Variants in NOM1 observed in about 807,000 individuals in gnomAD.
NOM1 encodes nucleolar protein with MIF4G domain 1, also known as nucleolar MIF4G domain-containing protein 1.
Under a neutral mutation model 73.3 loss-of-function variants are expected in NOM1, and 58 were observed. The ratio of observed to expected loss-of-function variants is 0.79; its 90% confidence interval spans 0.64 to 0.99. The LOEUF is 0.99. Ranked by LOEUF, NOM1 falls within the 50% of genes least tolerant of loss-of-function variation. NOM1 has a pLI of 0.00. For missense variants in NOM1, 1,226 were observed against 1,131.9 expected, an observed-to-expected ratio of 1.08 and a Z score of -1.19; for synonymous variants, 487 against 446.8, an observed-to-expected ratio of 1.09 and a Z score of -1.14.
chr7:156,966,969 C>A lies in NOM1; in HGVS notation c.2175C>A (p.Phe725Leu). ...TTTAACTATGATACTAGATGACTTT[C>A]CAGTTCAGCATATGGGACAAATTTC... ...CEYERRFQMT[F>L]QFSIWDKFRD... The change falls in exon 9 of 11, where the codon TTC becomes TTA. Residue 725 changes from phenylalanine (F) to leucine (L), a missense_variant. Phe to Leu is a conservative substitution (Grantham distance 22). Transcript: ENST00000275820. The A allele has an allele frequency of 6.2e-7, 1 of 1,611,270 alleles. No homozygotes were observed.
At chr7:156,963,212 C>A (rs1303461138) in intron 6 of NOM1, 37 bp downstream of exon 6, 2 of 1,611,024 alleles carry the variant, frequency 1.2e-6, no homozygotes, top group Admixed American at 1.7e-5. Flanking sequence ...CAGGCAGAGG[C>A]ACCCCCCTGT....
At position 156,963,929 on chromosome 7, in the gene NOM1, G is replaced by A. The variant is rs149887319; in HGVS notation, c.1936G>A (p.Ala646Thr). The A allele has an allele frequency of 1.9e-6, 3 of 1,614,008 alleles. No homozygotes were observed. The highest frequency in any genetic ancestry group is 1.1e-5 in the South Asian group (1 of 91,068). Residue 646 changes from alanine (A) to threonine (T), a missense_variant, in exon 7 of 11, where the codon GCC (alanine) becomes ACC (threonine). Coordinates refer to ENST00000275820, the MANE Select transcript of NOM1 (RefSeq NM_138400.2). ...GTVSSKILEL[A>T]RKQRMNTDIR... ...GGTCAGTTCAAAGATCCTAGAACTC[G>A]CCCGGAAGCAGAGGATGAACACAGA...
intron 4 of NOM1, 148 bp downstream of exon 4, chr7:156,960,322 A>T: frequency 1.6e-6 from 1 of 642,898 alleles, no homozygotes; most frequent in South Asian, 2.0e-5. Flanking sequence ...TGGCTTTAAT[A>T]TGTGAATGGA....
At chr7:156,953,959 C>A in intron 2 of NOM1, 144 bp from the exon 3 acceptor site, 1 of 632,692 alleles carries the variant, frequency 1.6e-6, no homozygotes, top group Non-Finnish European at 2.7e-6. Context: ...GTTATTGGGG[C>A]AAGATAAGAA....
chr7:156,972,866 T>TA lies in NOM1; in HGVS notation c.*3164dup, dbSNP rs1586580666. Reference sequence around the variant, plus strand: ...AACCCAACATATATGGGCTGTTAGATAGTAATTGTAATTTCGTATAAATAG... The same window carrying TA: ...AACCCAACATATATGGGCTGTTAGATAAGTAATTGTAATTTCGTATAAATAG... On this transcript the variant is annotated 3_prime_UTR_variant, in exon 11 of 11. Coordinates refer to ENST00000275820, the MANE Select transcript of NOM1 (RefSeq NM_138400.2). The TA allele has an allele frequency of 6.6e-6, 1 of 152,212 alleles. No homozygotes were observed. The highest frequency in any genetic ancestry group is 1.5e-5 in the Non-Finnish European group (1 of 68,036). The allele number at this position is 152,212 out of a possible 1,614,324, so 9.4% of individuals were successfully genotyped here.
chr7:156,954,522 C>CTTTTGTTTTTTTTTT (rs1804672533), intron 3 of NOM1, among the ~76,000 whole-genome samples: 1 of 101,660 alleles, frequency 9.8e-6, no homozygotes, highest in Admixed American at 1.1e-4. Context: ...TCTGTCCATT[C>CTTTTGTTTTTTTTTT]TTTTTTTTTT....
intron 8 of NOM1, 50 bp from the exon 9 acceptor site, chr7:156,966,911 T>C (rs772475717): frequency 1.2e-5 from 17 of 1,467,654 alleles, no homozygotes; most frequent in Middle Eastern, 1.8e-4. Flanking sequence ...TGATATATTA[T>C]AGTAATTTGT....
At chr7:156,964,209 T>A in intron 7 of NOM1, 183 bp downstream of exon 7, 1 of 466,678 alleles carries the variant, frequency 2.1e-6, no homozygotes, top group Non-Finnish European at 3.7e-6. Flanking sequence ...ATGTTCCTAT[T>A]AATTTGCCTC....
Position 156,969,663 on chromosome 7 carries a change from C to T in NOM1, c.2543C>T (p.Ala848Val). The change falls in exon 11 of 11, where the codon GCA becomes GTA. Residue 848 changes from alanine to valine, a missense_variant. Coordinates refer to ENST00000275820, the MANE Select transcript of NOM1 (RefSeq NM_138400.2). ...ANVLREKADL[A>V]TKCLQGKASL... The stretch of plus-strand genomic sequence containing the variant: ...GTGCTGAGAGAGAAAGCTGACCTTG[C>T]AACGAAGTGTCTGCAAGGAAAAGCT... 1.2e-6 allele frequency: 2 copies of T among 1,612,800 alleles called. No individual in the cohort carries two copies. Among genetic ancestry groups the T allele is most frequent in the South Asian group, 1.1e-5 (1 of 90,960 alleles).
At position 156,973,026 on chromosome 7, in the gene NOM1, G is replaced by A. The variant is rs1036548309; in HGVS notation, c.*3323G>A. The A allele has an allele frequency of 6.6e-6, 1 of 152,210 alleles. No individual in the cohort carries two copies. Among genetic ancestry groups the A allele is most frequent in the Non-Finnish European group, 1.5e-5 (1 of 68,030 alleles). The allele number at this position is 152,210 out of a possible 1,614,324, so 9.4% of individuals were successfully genotyped here. On this transcript the variant is annotated 3_prime_UTR_variant, in exon 11 of 11. Coordinates refer to ENST00000275820, the MANE Select transcript of NOM1 (RefSeq NM_138400.2). ...CAGGATGCTTAGTGCTCAGTGTTAT[G>A]TATGAACTTGTGGACTTTACAATGC...
rs752584937 is a variant in NOM1, at chr7:156,966,316, A to T, written c.2080A>T (p.Met694Leu). Residue 694 changes from methionine (M) to leucine (L), a missense_variant, in exon 8 of 11, where the codon ATG (methionine) becomes TTG (leucine). Coordinates refer to ENST00000275820, the MANE Select transcript of NOM1 (RefSeq NM_138400.2). ...GGAGAGAGAAATCATTCACGTTCTC[A>T]TGGATTGCTGCCTTCAAGAGAAAAC... ...QQEREIIHVL[M>L]DCCLQEKTYN... is the part of the protein sequence containing the mutation. The T allele has an allele frequency of 6.2e-7, 1 of 1,614,224 alleles. No homozygotes were observed. Among genetic ancestry groups the T allele is most frequent in the Non-Finnish European group, 8.5e-7 (1 of 1,180,034 alleles).
chr7:156,958,617 G>A (rs1804785392), intron 3 of NOM1: 1 of 152,142 alleles, frequency 6.6e-6, no homozygotes, highest in Non-Finnish European at 1.5e-5. Context: ...GAAAAAACAG[G>A]GTTCCAGGAA....
chr7:156,966,960 G>C lies in NOM1; in HGVS notation c.2167-1G>C, dbSNP rs908150657. The stretch of plus-strand genomic sequence containing the variant: ...TTTTCTCCTTTTAACTATGATACTA[G>C]ATGACTTTCCAGTTCAGCATATGGG... On this transcript the variant is annotated splice_acceptor_variant, in intron 8 of 10. Transcript: ENST00000275820. LOFTEE classifies it high-confidence loss of function. 3 of 1,610,910 alleles carry C rather than the reference G, an allele frequency of 1.9e-6. No individual in the cohort carries two copies. The highest frequency in any genetic ancestry group is 2.5e-6 in the Non-Finnish European group (3 of 1,179,046).
In NOM1 at chr7:156,969,588, A is replaced by G. The variant is rs1459474380; in HGVS notation, c.2468A>G (p.His823Arg). 5 of 1,614,134 alleles carry G rather than the reference A, an allele frequency of 3.1e-6. No individual in the cohort carries two copies. The highest frequency in any genetic ancestry group is 4.2e-6 in the Non-Finnish European group (5 of 1,180,024). The part of the protein sequence containing the change: ...LREGLKLFIS[H>R]FLLKNAQAHR... ...GAGGGTTTGAAGCTTTTCATCAGCC[A>G]CTTCTTGCTAAAGAACGCACAGGCC... The change falls in exon 11 of 11, where the codon CAC becomes CGC. Residue 823 changes from histidine (H) to arginine (R), a missense_variant. Physicochemically the swap from His to Arg is conservative, Grantham distance 29. Coordinates refer to ENST00000275820, the MANE Select transcript of NOM1 (RefSeq NM_138400.2).
At chr7:156,962,426 C>A (rs1252488931) in intron 5 of NOM1, among the ~76,000 whole-genome samples, 165 bp downstream of exon 5, 1 of 152,172 alleles carries the variant, frequency 6.6e-6, no homozygotes, top group Non-Finnish European at 1.5e-5. Flanking sequence ...CAGGGGCTGT[C>A]CCAGTGGTCT....
chr7:156,961,713 C>A (rs1804866940), intron 4 of NOM1, among the ~76,000 whole-genome samples: 1 of 152,032 alleles, frequency 6.6e-6, no homozygotes, highest in African/African-American at 2.4e-5. Flanking sequence ...TTGTGCTGTT[C>A]TTGCAACTTT....
rs187301508 is a variant in NOM1 at position 156,953,059 on chromosome 7, G to T, written c.1112+461G>T. Reference sequence around the variant, plus strand: ...AGGTGGGGCTTTGTCAGTTACACGTGCCCATCAGCTCTTTGGTTTTGAGGA... The same window carrying T: ...AGGTGGGGCTTTGTCAGTTACACGTTCCCATCAGCTCTTTGGTTTTGAGGA... On this transcript the variant is annotated intron_variant, in intron 2 of 10. Coordinates refer to ENST00000275820, the MANE Select transcript of NOM1 (RefSeq NM_138400.2). Among the ~76,000 whole-genome samples, 355 of 152,312 alleles carry T rather than the reference G, an allele frequency of 2.3e-3. 1 individual carries two copies. Among genetic ancestry groups the T allele is most frequent in the African/African-American group, 8.0e-3 (332 of 41,558 alleles).
intron 9 of NOM1, 139 bp from the exon 10 acceptor site, chr7:156,968,948 T>C (rs1013299098): frequency 1.9e-5 from 12 of 623,054 alleles, no homozygotes; most frequent in Non-Finnish European, 3.5e-5. Context: ...ATTTCTTAGC[T>C]CTGGAAATAG....
Position 156,973,060 on chromosome 7 carries a change from A to T in NOM1, c.*3357A>T, listed in dbSNP as rs1013123979. The T allele has an allele frequency of 6.6e-6, 1 of 152,082 alleles. No homozygotes were observed. Among genetic ancestry groups the T allele is most frequent in the Non-Finnish European group, 1.5e-5 (1 of 68,018 alleles). 9.4% of individuals were successfully genotyped at this position (152,082 alleles called of 1,614,324 possible). On this transcript the variant is annotated 3_prime_UTR_variant, in exon 11 of 11. Transcript: ENST00000275820. Reference sequence around the variant, plus strand: ...TGTGGACTTTACAATGCAGGTTGAGAACTGCTAATGTATAGAATGACTAAA... The same window carrying T: ...TGTGGACTTTACAATGCAGGTTGAGTACTGCTAATGTATAGAATGACTAAA...
Sources: gnomAD v4.1 joint callset for allele counts (sites outside exome capture counted in the v4.1 genomes callset) on GRCh38, gnomAD v4.1.1 for gene constraint, MANE v1.5 for transcripts, NCBI Gene and HGNC (gene_info 2026-07-23, HGNC 2026-07-21) for gene names.